Variants in OTUD7B observed in about 807,000 individuals in gnomAD.
The protein encoded by OTUD7B is OTU deubiquitinase 7B.
A neutral mutation model predicts 82.2 loss-of-function variants in OTUD7B; 34 were observed. The ratio of observed to expected loss-of-function variants is 0.41; its 90% CI spans 0.31 to 0.55. The LOEUF (loss-of-function observed/expected upper bound fraction) is 0.55. Ranked by LOEUF, OTUD7B falls within the 20% of genes least tolerant of loss-of-function variation. The pLI is 0.20. For synonymous variants in OTUD7B, 398 were observed against 402.7 expected (o/e 0.99, Z 0.14); for missense variants, 944 against 1,062.1 (o/e 0.89, Z 1.55).
Position 149,943,905 on chromosome 1 carries a change from C to A in OTUD7B, c.2484G>T (p.Arg828Ser). The change falls in exon 12 of 12, where the codon AGG becomes AGT. Residue 828 changes from arginine to serine, a missense_variant. Around this residue, in one of 3 missense-constraint regions of OTUD7B, gnomAD observed 412 missense variants for 418.7 expected, o/e 0.98. Transcript: ENST00000581312. ...FCSCCYREEL[R>S]RREREPDGEL... ...CCCCATCCGGTTCCCGCTCCCTCCT[C>A]CTCAGTTCTTCCCTGTAACAACAGG... The A allele has an allele frequency of 6.2e-7, 1 of 1,614,268 alleles. No homozygotes were observed. The highest frequency in any genetic ancestry group is 8.5e-7 in the Non-Finnish European group (1 of 1,180,050).
chr1:150,026,948 T>C, the OTUD7B span, among the ~76,000 whole-genome samples: 1 of 152,208 alleles, frequency 6.6e-6, no homozygotes, highest in African/African-American at 2.4e-5. Context: ...ATATAAATTG[T>C]AGAAATACTT....
the OTUD7B span, chr1:150,053,870 G>T: frequency 2.9e-6 from 1 of 340,232 alleles, no homozygotes; most frequent in East Asian, 5.2e-5. Flanking sequence ...CAAGATGGAG[G>T]GTGAACAAGT....
At chr1:149,994,808 A>T (rs1400106215) in intron 1 of OTUD7B, among the ~76,000 whole-genome samples, 2 of 152,116 alleles carry the variant, frequency 1.3e-5, no homozygotes, top group African/African-American at 4.8e-5. Flanking sequence ...ATTGAAGAGC[A>T]AGCATTTTCA....
At chr1:149,947,687 G>A (rs1276165594) in intron 10 of OTUD7B, among the ~76,000 whole-genome samples, 1 of 152,132 alleles carries the variant, frequency 6.6e-6, no homozygotes, top group Non-Finnish European at 1.5e-5. Flanking sequence ...AGGAGCTTTT[G>A]ATAAATAGGT....
At chr1:149,963,586 T>C (rs1649309054) in intron 6 of OTUD7B, 1 of 149,710 alleles carries the variant, frequency 6.7e-6, no homozygotes, top group South Asian at 2.1e-4. Context: ...AAAATAGCCA[T>C]AGTTTGCGCA....
chr1:149,946,022 T>C (rs1290481815), intron 11 of OTUD7B, among the ~76,000 whole-genome samples: 1 of 148,256 alleles, frequency 6.7e-6, no homozygotes, highest in Non-Finnish European at 1.5e-5. Context: ...ATCGCACCAT[T>C]GCACTCCAGC....
Position 149,940,137 on chromosome 1 carries a change from T to C in OTUD7B, c.*3720A>G, listed in dbSNP as rs2092751593. The C allele has an allele frequency of 6.6e-6, 1 of 152,076 alleles. No individual in the cohort carries two copies. The highest frequency in any genetic ancestry group is 1.5e-5 in the Non-Finnish European group (1 of 68,012). 9.4% of individuals were successfully genotyped at this position (152,076 alleles called of 1,614,324 possible). On this transcript the variant is annotated 3_prime_UTR_variant, in exon 12 of 12. Transcript: ENST00000581312. ...ACATTCAAAACCAGCTTTATTCTTT[T>C]GGGCTCAGTATCACCCCGCAGATAT... is the stretch of plus-strand genomic sequence containing the variant.
chr1:150,025,954 G>A, the OTUD7B span, among the ~76,000 whole-genome samples: 1 of 152,226 alleles, frequency 6.6e-6, no homozygotes, highest in East Asian at 1.9e-4. Context: ...TTGCAAGAAG[G>A]ATCTGCAGAG....
At chr1:149,987,666 G>C (rs782207988) in intron 1 of OTUD7B, among the ~76,000 whole-genome samples, 1 of 151,884 alleles carries the variant, frequency 6.6e-6, no homozygotes, top group African/African-American at 2.4e-5. Flanking sequence ...TCCTTTAAAA[G>C]CTTCCTCTAC....
chr1:150,044,117 TAATAA>T, the OTUD7B span, among the ~76,000 whole-genome samples: 9 of 152,066 alleles, frequency 5.9e-5, no homozygotes, highest in African/African-American at 1.9e-4. Flanking sequence ...CTCAAAAAAA[TAATAA>T]AATAAAATAA....
chr1:150,003,539 C>T (rs1204589520), intron 1 of OTUD7B, among the ~76,000 whole-genome samples: 1 of 152,124 alleles, frequency 6.6e-6, no homozygotes, highest in Non-Finnish European at 1.5e-5. Flanking sequence ...GACCCTTGGG[C>T]TCCCACTCTC....
At chr1:150,062,459 A>G in the OTUD7B span, among the ~76,000 whole-genome samples, 1 of 152,178 alleles carries the variant, frequency 6.6e-6, no homozygotes, top group Non-Finnish European at 1.5e-5. Flanking sequence ...ATTTTCAGCG[A>G]ATTCCCTTTT....
Position 149,959,710 on chromosome 1 carries a change from T to C in OTUD7B, c.819A>G (p.Leu273=). 1 of 1,611,338 alleles carries C rather than the reference T, an allele frequency of 6.2e-7. No homozygotes were observed. Among genetic ancestry groups the C allele is most frequent in the Non-Finnish European group, 8.5e-7 (1 of 1,177,742 alleles). Residue 273 remains leucine, a synonymous_variant, in exon 7 of 12, where the codon CTA becomes CTG. Coordinates refer to ENST00000581312, the MANE Select transcript of OTUD7B (RefSeq NM_020205.4). ...CACCACAGTTGGCTCCATTGGTACC[T>C]AGATGCATTCGGGGTTCACTTGAGG... ...KLASSEPRMH[L]GTNGANCGGV... is the part of the protein sequence containing the mutation.
the OTUD7B span, among the ~76,000 whole-genome samples, chr1:150,061,148 C>T: frequency 1.3e-5 from 2 of 152,160 alleles, no homozygotes; most frequent in African/African-American, 2.4e-5. Flanking sequence ...TGCCTTGGCC[C>T]GCAAATGCTG....
intron 11 of OTUD7B, among the ~76,000 whole-genome samples, chr1:149,946,614 C>T (rs1035420333): frequency 2.1e-4 from 32 of 149,222 alleles, no homozygotes; most frequent in African/African-American, 7.2e-4. Flanking sequence ...TGGTGGCGCA[C>T]GTCTGTAATC....
At chr1:150,053,433 G>A in the OTUD7B span, among the ~76,000 whole-genome samples, 1 of 142,784 alleles carries the variant, frequency 7.0e-6, no homozygotes, top group African/African-American at 2.6e-5. Flanking sequence ...TTTCCCTCTT[G>A]TCACCCAGGC....
chr1:150,001,936 CTGT>C (rs2101930029), intron 1 of OTUD7B, among the ~76,000 whole-genome samples: 1 of 152,324 alleles, frequency 6.6e-6, no homozygotes, highest in South Asian at 2.1e-4. Context: ...GCCCTCTACC[CTGT>C]TCTGTTCTCC....
rs1647310979 is a variant in OTUD7B, at chr1:149,942,284, T to C, written c.*1573A>G. The stretch of plus-strand genomic sequence containing the variant: ...CCCCTTCTTCACATGCACCCGGGAG[T>C]GTATACAATTGCATAGTTGACTTTT... On this transcript the variant is annotated 3_prime_UTR_variant, in exon 12 of 12. Transcript: ENST00000581312. 2 of 152,238 alleles carry C rather than the reference T, an allele frequency of 1.3e-5. No homozygotes were observed. The highest frequency in any genetic ancestry group is 2.9e-5 in the Non-Finnish European group (2 of 67,954). The allele number at this position is 152,238 out of a possible 1,614,324, so 9.4% of individuals were successfully genotyped here.
In OTUD7B at chr1:149,944,449, T is replaced by G. The variant is rs782543399; in HGVS notation, c.1940A>C (p.Glu647Ala). The G allele has an allele frequency of 3.7e-6, 6 of 1,614,146 alleles. No homozygotes were observed. Among genetic ancestry groups the G allele is most frequent in the Non-Finnish European group, 5.1e-6 (6 of 1,180,032 alleles). Residue 647 changes from glutamate (E) to alanine (A), a missense_variant, in exon 12 of 12, where the codon GAG becomes GCG. Glu to Ala is a moderately radical substitution (Grantham distance 107). Around this residue, in one of 3 missense-constraint regions of OTUD7B, gnomAD observed 412 missense variants for 418.7 expected, o/e 0.98. Coordinates refer to ENST00000581312, the MANE Select transcript of OTUD7B (RefSeq NM_020205.4). ...TCCATTCATGATCTTCCTCTCTGCC[T>G]CCTTCTGCTTCTGTTCTGCCAGGAA... ...ERFLAEQKQK[E>A]AERKIMNGGI... is the part of the protein sequence containing the mutation.
Sources: allele counts gnomAD v4.1 joint callset (sites outside exome capture counted in the v4.1 genomes callset), GRCh38; gene constraint gnomAD v4.1.1; regional missense constraint gnomAD v4.1.1; transcripts MANE v1.5; gene names NCBI Gene and HGNC (gene_info 2026-07-23, HGNC 2026-07-21).